The following UNC13C variants were observed in gnomAD, a reference collection of about 807,000 sequenced individuals.
The protein encoded by UNC13C is unc-13 homolog C, also known as protein unc-13 homolog C.
In UNC13C, 174 loss-of-function variants were observed where a neutral mutation model predicts 245.4. The observed-to-expected ratio is 0.71, with a 90% CI of 0.63 to 0.80. The LOEUF is 0.80. Among genes scored for constraint, UNC13C ranks in the 30% least tolerant of loss-of-function variants. The pLI is 0.00. For synonymous variants in UNC13C, 992 were observed against 895.1 expected (o/e 1.11, Z -1.93); for missense variants, 2,829 against 2,602.9 (o/e 1.09, Z -1.89).
At chr15:54,549,755 ATCC>A (rs1278414798) in intron 28 of UNC13C, 64 bp downstream of exon 28, 3 of 1,010,156 alleles carry the variant, frequency 3.0e-6, no homozygotes, top group Non-Finnish European at 4.4e-6. Context: ...TTCTGCAAGC[ATCC>A]TCCTCCTAGT....
intron 4 of UNC13C, among the ~76,000 whole-genome samples, chr15:54,205,433 C>G (rs2034676510): frequency 6.6e-6 from 1 of 151,932 alleles, no homozygotes. Flanking sequence ...ATATCAGGTT[C>G]TTATTGTTCA....
intron 30 of UNC13C, among the ~76,000 whole-genome samples, chr15:54,577,873 T>G (rs1266637434): frequency 6.6e-6 from 1 of 152,168 alleles, no homozygotes; most frequent in East Asian, 1.9e-4. Flanking sequence ...CAGGTTTTCT[T>G]CCATGGCAAC....
chr15:54,119,082 T>G (rs2141190426), intron 2 of UNC13C, among the ~76,000 whole-genome samples: 1 of 152,068 alleles, frequency 6.6e-6, no homozygotes, highest in African/African-American at 2.4e-5. Flanking sequence ...GAATTGCTGT[T>G]AGTAGTTCTT....
rs1177236938 is a variant in UNC13C, at chr15:54,076,320, C to T, written c.2983+60434C>T. 2.2e-5 allele frequency among the ~76,000 whole-genome samples: 3 copies of T among 138,752 alleles called. No homozygotes were observed. In the East Asian group the frequency reaches 6.5e-4, roughly 30 times the overall value. The allele number at this position is 138,752 out of a possible 152,430, so 91.0% of individuals were successfully genotyped here. A position where few individuals can be genotyped will look rare whatever the true frequency, so the allele number is the denominator to read the frequency against. ...TCCCCTTCCTGTGTCCATGTGATCT[C>T]ATTGTTCATTTCCCACCTATGAGTG... On this transcript the variant is annotated intron_variant, in intron 2 of 32. Transcript: ENST00000260323.
At chr15:54,031,231 T>C (rs1167021516) in intron 2 of UNC13C, among the ~76,000 whole-genome samples, 2 of 152,196 alleles carry the variant, frequency 1.3e-5, no homozygotes, top group African/African-American at 4.8e-5. Context: ...TATTTAGGCA[T>C]TGGAAATTCA....
chr15:54,549,574 AT>A (rs1896642070), intron 27 of UNC13C, 60 bp from the exon 28 acceptor site: 2 of 1,248,024 alleles, frequency 1.6e-6, no homozygotes, highest in African/African-American at 1.5e-5. Context: ...CTGCATTTCT[AT>A]TGTGACTAAT....
At chr15:54,016,487 A>T (rs1179657472) in intron 2 of UNC13C, among the ~76,000 whole-genome samples, 1 of 152,188 alleles carries the variant, frequency 6.6e-6, no homozygotes, top group Non-Finnish European at 1.5e-5. Flanking sequence ...GCCCTAGGTC[A>T]TGTCTGAGTG....
intron 13 of UNC13C, among the ~76,000 whole-genome samples, chr15:54,319,115 A>T (rs1395051899): frequency 6.6e-6 from 1 of 151,882 alleles, no homozygotes; most frequent in African/African-American, 2.4e-5. Context: ...GGTCTGGGTA[A>T]TAACCCCCTT....
chr15:54,131,666 A>G (rs7170148), intron 2 of UNC13C, among the ~76,000 whole-genome samples: 55,853 of 151,990 alleles, frequency 0.37, 10,342 homozygotes, highest in Admixed American at 0.39. Context: ...GCATGTTTAG[A>G]GTTTGGTGCT....
At chr15:54,254,735 G>A (rs2036236224) in intron 8 of UNC13C, among the ~76,000 whole-genome samples, 1 of 152,182 alleles carries the variant, frequency 6.6e-6, no homozygotes, top group Non-Finnish European at 1.5e-5. Flanking sequence ...TCAGCCTGGT[G>A]TTCTTTCCTA....
intron 2 of UNC13C, among the ~76,000 whole-genome samples, chr15:54,059,552 C>T (rs1897706836): frequency 6.6e-6 from 1 of 152,072 alleles, no homozygotes. Context: ...AGGTAATTTA[C>T]AGATTCAATG....
intron 2 of UNC13C, among the ~76,000 whole-genome samples, chr15:54,124,830 T>C (rs547601855): frequency 6.6e-6 from 1 of 152,252 alleles, no homozygotes; most frequent in South Asian, 2.1e-4. Context: ...TTCCTCTTTT[T>C]AAAATTTATT....
At chr15:54,031,519 A>G (rs896466679) in intron 2 of UNC13C, among the ~76,000 whole-genome samples, 3 of 152,246 alleles carry the variant, frequency 2.0e-5, no homozygotes, top group Non-Finnish European at 4.4e-5. Flanking sequence ...AACTGAACAC[A>G]CATCAGGCTG....
chr15:54,458,680 C>CTTTTTTTTTTTTTT lies in UNC13C; in HGVS notation c.4934-35918_4934-35905dup, dbSNP rs79291504. Among the ~76,000 whole-genome samples, 14 of 65,974 alleles carry CTTTTTTTTTTTTTT rather than the reference C, an allele frequency of 2.1e-4. 4 individuals carry two copies. Among genetic ancestry groups the CTTTTTTTTTTTTTT allele is most frequent in the African/African-American group, 4.9e-4 (8 of 16,430 alleles). 43.3% of individuals were successfully genotyped at this position (65,974 alleles called of 152,430 possible). ...TTTTAAACTATTGTTCCTTTAAGGT[C>CTTTTTTTTTTTTTT]TTTTTTTTTTTTTTTTTTTTTTTAA... is the stretch of plus-strand genomic sequence containing the variant. On this transcript the variant is annotated intron_variant, in intron 19 of 32. Transcript: ENST00000260323.
intron 19 of UNC13C, among the ~76,000 whole-genome samples, chr15:54,476,766 G>C (rs1162335384): frequency 2.0e-5 from 3 of 146,540 alleles, no homozygotes; most frequent in Non-Finnish European, 3.0e-5. Context: ...TTGTTCTTTT[G>C]GCTTAGGATT....
the UNC13C span, among the ~76,000 whole-genome samples, chr15:53,898,262 A>G: frequency 6.6e-6 from 1 of 152,116 alleles, no homozygotes; most frequent in East Asian, 1.9e-4. Flanking sequence ...GGACTATTCA[A>G]TTATTTTTAA....
intron 19 of UNC13C, among the ~76,000 whole-genome samples, chr15:54,464,454 CATT>C (rs1352188400): frequency 2.0e-5 from 3 of 151,920 alleles, no homozygotes; most frequent in Non-Finnish European, 2.9e-5. Context: ...TGAAAATAAA[CATT>C]ATAATTATTT....
At chr15:54,626,722 A>C in intron 32 of UNC13C, 106 bp from the exon 33 acceptor site, 1 of 1,030,270 alleles carries the variant, frequency 9.7e-7, no homozygotes, top group Non-Finnish European at 1.4e-6. Flanking sequence ...TTGCCAACAT[A>C]ATAATCAGAT....
chr15:54,037,047 C>G (rs180772073), intron 2 of UNC13C, among the ~76,000 whole-genome samples: 1 of 152,338 alleles, frequency 6.6e-6, no homozygotes, highest in East Asian at 1.9e-4. Flanking sequence ...ATTTGGGCTA[C>G]TGAAAGACCT....
Sources: allele counts gnomAD v4.1 joint callset (sites outside exome capture counted in the v4.1 genomes callset), GRCh38; gene constraint gnomAD v4.1.1; transcripts MANE v1.5; gene names NCBI Gene and HGNC (gene_info 2026-07-23, HGNC 2026-07-21).